The following GRIN2A variants were observed in gnomAD, a reference collection of about 807,000 sequenced individuals.
GRIN2A encodes the protein glutamate receptor ionotropic, NMDA 2A.
In GRIN2A, 22 loss-of-function variants were observed where a neutral mutation model predicts 113.4. The ratio of observed to expected loss-of-function variants is 0.19; its 90% confidence interval spans 0.14 to 0.28. The LOEUF (loss-of-function observed/expected upper bound fraction) is 0.28, where lower values mean the gene tolerates loss of function less well. GRIN2A is among the 10% of genes least tolerant of loss of function. The pLI, the probability that GRIN2A is intolerant of heterozygous loss-of-function variation, is 1.00. For synonymous variants in GRIN2A, 827 were observed against 738.4 expected (o/e 1.12, Z -1.94); for missense variants, 1,502 against 1,887.0 (o/e 0.80, Z 3.78).
chr16:10,056,441 T>C (rs564069189), intron 2 of GRIN2A, among the ~76,000 whole-genome samples: 1 of 152,152 alleles, frequency 6.6e-6, no homozygotes, highest in South Asian at 2.1e-4. Context: ...CACCTACCCA[T>C]TAAGCCACCT....
chr16:10,122,054 G>A (rs190451537), intron 2 of GRIN2A, among the ~76,000 whole-genome samples: 2 of 152,268 alleles, frequency 1.3e-5, no homozygotes, highest in African/African-American at 4.8e-5. Context: ...AAGCAGCAGG[G>A]ATCCCACTGA....
At chr16:9,829,689 G>T in intron 8 of GRIN2A, 37 bp from the exon 9 acceptor site, 1 of 1,477,198 alleles carries the variant, frequency 6.8e-7, no homozygotes, top group Non-Finnish European at 9.5e-7. Flanking sequence ...AGCATTTTCT[G>T]AAAAAAATGC....
chr16:10,048,740 C>A (rs1456436675), intron 2 of GRIN2A, among the ~76,000 whole-genome samples: 1 of 124,504 alleles, frequency 8.0e-6, no homozygotes, highest in East Asian at 2.8e-4. Context: ...ATACCCCACA[C>A]TTGGCCTCCC....
chr16:10,048,183 T>A (rs1291981410), intron 2 of GRIN2A, among the ~76,000 whole-genome samples: 1 of 152,246 alleles, frequency 6.6e-6, no homozygotes, highest in Non-Finnish European at 1.5e-5. Context: ...GTTTTCTTTA[T>A]GTAAAATGCA....
chr16:9,882,784 TA>T (rs1382627242), intron 4 of GRIN2A, among the ~76,000 whole-genome samples: 1 of 151,932 alleles, frequency 6.6e-6, no homozygotes, highest in Admixed American at 6.6e-5. Context: ...ACCATGTCTC[TA>T]AAAAAAAGTT....
intron 2 of GRIN2A, among the ~76,000 whole-genome samples, chr16:9,961,285 G>A (rs2045437983): frequency 1.3e-5 from 2 of 152,102 alleles, no homozygotes; most frequent in South Asian, 4.2e-4. Flanking sequence ...CCCAATAGAA[G>A]GTCACATGCT....
At chr16:9,791,402 G>T (rs1450562356) in intron 11 of GRIN2A, among the ~76,000 whole-genome samples, 2 of 152,164 alleles carry the variant, frequency 1.3e-5, no homozygotes, top group Non-Finnish European at 1.5e-5. Context: ...AAAGTTGAAA[G>T]GGAAAAATAT....
chr16:9,958,331 G>T (rs1252896557), intron 2 of GRIN2A, among the ~76,000 whole-genome samples: 1 of 151,948 alleles, frequency 6.6e-6, no homozygotes, highest in Non-Finnish European at 1.5e-5. Context: ...TGCTGATGTG[G>T]GCAATGTTGG....
chr16:9,938,625 GA>G, intron 2 of GRIN2A, 74 bp from the exon 3 acceptor site: 1 of 1,014,360 alleles, frequency 9.9e-7, no homozygotes, highest in East Asian at 2.4e-5. Flanking sequence ...CTGCGTCCTA[GA>G]AGTAAGGAAA....
chr16:10,174,207 C>T (rs2050100554), intron 2 of GRIN2A, among the ~76,000 whole-genome samples: 1 of 152,158 alleles, frequency 6.6e-6, no homozygotes, highest in South Asian at 2.1e-4. Context: ...GGAACATCTG[C>T]ACCATCCACC....
At chr16:9,818,400 A>G (rs1412321854) in intron 10 of GRIN2A, among the ~76,000 whole-genome samples, 2 of 152,258 alleles carry the variant, frequency 1.3e-5, no homozygotes, top group Middle Eastern at 3.4e-3. Context: ...GTAATAAAGA[A>G]TGATGAAAGA....
chr16:9,771,890 A>G (rs1270178484), intron 11 of GRIN2A, among the ~76,000 whole-genome samples: 1 of 152,228 alleles, frequency 6.6e-6, no homozygotes, highest in Non-Finnish European at 1.5e-5. Context: ...TCTTACTGAC[A>G]GCTTCAAACA....
At chr16:9,976,993 T>A (rs1233740093) in intron 2 of GRIN2A, among the ~76,000 whole-genome samples, 4 of 152,194 alleles carry the variant, frequency 2.6e-5, no homozygotes, top group Non-Finnish European at 4.4e-5. Flanking sequence ...GGGCCCAAAA[T>A]AATTTTGGTT....
rs1013351087 is a variant in GRIN2A at position 9,865,298 on chromosome 16, G to A, written c.1123-15337C>T. On this transcript the variant is annotated intron_variant, in intron 4 of 12. Transcript: ENST00000330684. ...AACTAAGCCTAAGTAACCCACCACC[G>A]TCAATCCAATTTCACCCAAACCAAT... Among the ~76,000 whole-genome samples the A allele has an allele frequency of 2.6e-5, 4 of 152,194 alleles. No homozygotes were observed. In the South Asian group the frequency reaches 6.2e-4, roughly 24 times the overall value.
At chr16:9,947,885 T>G (rs2045059055) in intron 2 of GRIN2A, among the ~76,000 whole-genome samples, 1 of 152,130 alleles carries the variant, frequency 6.6e-6, no homozygotes, top group South Asian at 2.1e-4. Flanking sequence ...GAGAGCTCCA[T>G]TAATGAGAGC....
intron 2 of GRIN2A, among the ~76,000 whole-genome samples, chr16:9,991,002 G>A (rs2046101643): frequency 6.6e-6 from 1 of 152,092 alleles, no homozygotes; most frequent in Admixed American, 6.5e-5. Context: ...GGGAGGCAGA[G>A]GTTGCAGTGA....
intron 3 of GRIN2A, among the ~76,000 whole-genome samples, chr16:9,924,852 G>A (rs1469701074): frequency 6.6e-6 from 1 of 152,068 alleles, no homozygotes; most frequent in East Asian, 1.9e-4. Context: ...TTTATATCTA[G>A]TAGTTTGATA....
intron 2 of GRIN2A, among the ~76,000 whole-genome samples, chr16:10,152,449 T>C (rs1162162062): frequency 6.6e-6 from 1 of 152,196 alleles, no homozygotes; most frequent in African/African-American, 2.4e-5. Flanking sequence ...ATGGATCCCA[T>C]GTGCCAATCT....
intron 2 of GRIN2A, chr16:10,111,976 G>C: frequency 1.4e-6 from 1 of 690,282 alleles, no homozygotes; most frequent in Non-Finnish European, 2.6e-6. Context: ...ACAGGCAAAT[G>C]AGATCCTTCA....
Sources: allele counts gnomAD v4.1 joint callset (sites outside exome capture counted in the v4.1 genomes callset), GRCh38; gene constraint gnomAD v4.1.1; transcripts MANE v1.5; gene names NCBI Gene and HGNC (gene_info 2026-07-23, HGNC 2026-07-21).